PTPN14: variants seen among roughly 807,000 people sequenced by gnomAD.
PTPN14 encodes the protein protein tyrosine phosphatase non-receptor type 14.
A neutral mutation model predicts 126.8 loss-of-function variants in PTPN14; 53 were observed. That is an observed-to-expected ratio of 0.42 (90% CI 0.34 to 0.53). The LOEUF is 0.53. PTPN14 is among the 20% of genes least tolerant of loss of function. PTPN14 has a pLI of 0.08. For synonymous variants in PTPN14, 630 were observed against 599.3 expected, an observed-to-expected ratio of 1.05 and a Z score of -0.75; for missense variants, 1,257 against 1,552.9, an observed-to-expected ratio of 0.81 and a Z score of 3.20.
intron 13 of PTPN14, among the ~76,000 whole-genome samples, chr1:214,380,784 G>A (rs541867431): frequency 6.6e-6 from 1 of 152,192 alleles, no homozygotes; most frequent in Admixed American, 6.5e-5. Context: ...CTGACCTGTG[G>A]GGATGTTGCT....
At chr1:214,460,862 T>C (rs1019734673) in intron 2 of PTPN14, among the ~76,000 whole-genome samples, 5 of 152,204 alleles carry the variant, frequency 3.3e-5, no homozygotes, top group African/African-American at 1.2e-4. Context: ...TGGATCCTTC[T>C]GAAAGCCATG....
intron 3 of PTPN14, among the ~76,000 whole-genome samples, chr1:214,429,313 G>T (rs1659745223): frequency 6.6e-6 from 1 of 152,066 alleles, no homozygotes; most frequent in African/African-American, 2.4e-5. Context: ...TATCTTCTCA[G>T]TGAAGGAGAT....
chr1:214,531,033 G>T (rs2102469498), intron 1 of PTPN14: 1 of 152,062 alleles, frequency 6.6e-6, no homozygotes, highest in Non-Finnish European at 1.5e-5. Flanking sequence ...CCTTTCAAAA[G>T]AAATTTGCAA....
chr1:214,481,511 C>CAAAAAAA (rs371949252), intron 1 of PTPN14, among the ~76,000 whole-genome samples: 4 of 67,426 alleles, frequency 5.9e-5, no homozygotes, highest in Admixed American at 2.2e-4. Flanking sequence ...AACTCCCGCT[C>CAAAAAAA]AAAAAAAAAA....
intron 3 of PTPN14, among the ~76,000 whole-genome samples, chr1:214,423,874 G>C (rs1659599315): frequency 6.6e-6 from 1 of 152,054 alleles, no homozygotes; most frequent in South Asian, 2.1e-4. Context: ...CCAGCTACTA[G>C]GGAGGCTAAG....
intron 1 of PTPN14, among the ~76,000 whole-genome samples, chr1:214,550,762 CG>C (rs1558151486): frequency 6.6e-6 from 1 of 152,126 alleles, no homozygotes; most frequent in African/African-American, 2.4e-5. Flanking sequence ...TGATTGGGAG[CG>C]TCGGGCAGCT....
At chr1:214,395,392 A>G (rs1257701860) in intron 8 of PTPN14, among the ~76,000 whole-genome samples, 1 of 152,120 alleles carries the variant, frequency 6.6e-6, no homozygotes, top group Non-Finnish European at 1.5e-5. Flanking sequence ...AAGAATCCAC[A>G]TATTCTGTAT....
chr1:214,394,814 G>C, intron 9 of PTPN14, 85 bp downstream of exon 9: 1 of 1,160,738 alleles, frequency 8.6e-7, no homozygotes, highest in Non-Finnish European at 1.3e-6. Flanking sequence ...CTCAAGATAG[G>C]GAGAGCAAGG....
intron 1 of PTPN14, among the ~76,000 whole-genome samples, chr1:214,465,951 C>CTTTCTTTTTT (rs1324868342): frequency 3.4e-5 from 2 of 59,024 alleles, no homozygotes; most frequent in African/African-American, 1.4e-4. Flanking sequence ...CAGTTACTTC[C>CTTTCTTTTTT]TTTTTTTTTT....
intron 3 of PTPN14, among the ~76,000 whole-genome samples, chr1:214,439,021 C>T (rs1286183326): frequency 6.6e-6 from 1 of 152,166 alleles, no homozygotes; most frequent in African/African-American, 2.4e-5. Flanking sequence ...GTGAGGTCTT[C>T]AAGTCTGTTC....
rs997545698 is a variant in PTPN14, at chr1:214,364,327, G to C, written c.3435+185C>G. 2.0e-5 allele frequency among the ~76,000 whole-genome samples: 3 copies of C among 152,034 alleles called. No individual in the cohort carries two copies. On this transcript the variant is annotated intron_variant, in intron 18 of 18. Transcript: ENST00000366956. The surrounding 1 kb of genome is among the most constrained non-coding windows in gnomAD (Gnocchi z 4.1). ...ATCTGGGTATCTACACGGAGCAGTG[G>C]GAGGGCAAAAAGATAAGGAGGGCTG...
chr1:214,468,517 T>C (rs978502669), intron 1 of PTPN14, among the ~76,000 whole-genome samples: 7 of 152,008 alleles, frequency 4.6e-5, no homozygotes, highest in African/African-American at 1.2e-4. Context: ...GATGGCACTA[T>C]TGCACTCCAG....
At chr1:214,390,355 G>C (rs528872059) in intron 11 of PTPN14, among the ~76,000 whole-genome samples, 3 of 152,312 alleles carry the variant, frequency 2.0e-5, no homozygotes, top group African/African-American at 4.8e-5. Flanking sequence ...TTATTCACAT[G>C]ATGAGGAGAG....
At chr1:214,387,704 G>GAAAC (rs1409765116) in intron 11 of PTPN14, among the ~76,000 whole-genome samples, 1 of 149,616 alleles carries the variant, frequency 6.7e-6, no homozygotes, top group Non-Finnish European at 1.5e-5. Context: ...AAGAAAGAAA[G>GAAAC]AAAGAGAAAG....
chr1:214,471,933 T>A (rs78293147), intron 1 of PTPN14, among the ~76,000 whole-genome samples: 2,679 of 152,280 alleles, frequency 0.018, 67 homozygotes, highest in African/African-American at 0.061. Flanking sequence ...TCCCTTGGTC[T>A]TATAAAATCC....
chr1:214,398,060 C>A (rs1391058614), intron 7 of PTPN14, 59 bp from the exon 8 acceptor site: 1 of 1,359,534 alleles, frequency 7.4e-7, no homozygotes, highest in African/African-American at 1.4e-5. Context: ...ACATTATTCA[C>A]AATAGCTAAG....
chr1:214,425,387 A>G (rs927205377), intron 3 of PTPN14, among the ~76,000 whole-genome samples: 2 of 152,226 alleles, frequency 1.3e-5, no homozygotes, highest in Non-Finnish European at 2.9e-5. Context: ...GCCTTTCCCC[A>G]GTCAACAAAT....
intron 1 of PTPN14, among the ~76,000 whole-genome samples, chr1:214,504,241 T>C (rs577319442): frequency 2.6e-5 from 4 of 152,162 alleles, no homozygotes; most frequent in African/African-American, 7.2e-5. Flanking sequence ...AGAAATACCA[T>C]AGGAAGGCGA....
chr1:214,477,977 G>T (rs1383294100), intron 1 of PTPN14, among the ~76,000 whole-genome samples: 1 of 152,146 alleles, frequency 6.6e-6, no homozygotes, highest in Non-Finnish European at 1.5e-5. Context: ...CATAAGCAAA[G>T]AAATCCACAG....
Sources: gnomAD v4.1 joint callset for allele counts (sites outside exome capture counted in the v4.1 genomes callset) on GRCh38, gnomAD v4.1.1 for gene constraint, Gnocchi (gnomAD v3.1) non-coding constraint, MANE v1.5 for transcripts, NCBI Gene and HGNC (gene_info 2026-07-23, HGNC 2026-07-21) for gene names.